NCOA6: variants seen among roughly 807,000 people sequenced by gnomAD.
NCOA6 encodes the protein NRC RAP250.
A neutral mutation model predicts 171.4 loss-of-function variants in NCOA6; 49 were observed. The ratio of observed to expected loss-of-function variants is 0.29; its 90% CI spans 0.23 to 0.36. The LOEUF is 0.36. Ranked by LOEUF, NCOA6 falls within the 10% of genes least tolerant of loss-of-function variation. The pLI, the probability that NCOA6 is intolerant of heterozygous loss-of-function variation, is 1.00. For synonymous variants in NCOA6, 910 were observed against 927.5 expected (o/e 0.98, Z 0.34); for missense variants, 2,248 against 2,554.5 (o/e 0.88, Z 2.59).
At chr20:34,758,191 A>G in intron 6 of NCOA6, 87 bp from the exon 7 acceptor site, 1 of 1,490,212 alleles carries the variant, frequency 6.7e-7, no homozygotes, top group Non-Finnish European at 8.9e-7. Context: ...GGATATACAG[A>G]GCAAAATCTG....
chr20:34,775,054 T>A (rs1413273180), intron 4 of NCOA6, among the ~76,000 whole-genome samples: 2 of 151,156 alleles, frequency 1.3e-5, no homozygotes, highest in South Asian at 2.1e-4. Context: ...GGGAAGGGGG[T>A]TGGTAGGGAA....
At chr20:34,721,551 A>C (rs1195139741) in intron 14 of NCOA6, among the ~76,000 whole-genome samples, 4 of 152,182 alleles carry the variant, frequency 2.6e-5, no homozygotes, top group Admixed American at 6.5e-5. Context: ...TTAGATTCTT[A>C]TAAGGACTAC....
At chr20:34,744,202 C>A (rs2076235784) in intron 10 of NCOA6, among the ~76,000 whole-genome samples, 1 of 152,046 alleles carries the variant, frequency 6.6e-6, no homozygotes, top group Non-Finnish European at 1.5e-5. Flanking sequence ...GAAGCATAGC[C>A]CTCAGGAATA....
Position 34,757,266 on chromosome 20 carries a change from C to T in NCOA6, c.1482G>A (p.Gln494=). ...TCTGTGGCCCCTGGTTTGGTGGTTG[C>T]TGCTGCATCACCATGAAGTTAGGTG... The part of the protein sequence containing the change: ...NVPPNFMVMQ[Q]QPPNQGPQSL... Residue 494 remains glutamine, a synonymous_variant, in exon 7 of 15, where the codon CAG becomes CAA. Coordinates refer to ENST00000359003, the MANE Select transcript of NCOA6 (RefSeq NM_014071.5). 1 of 1,609,734 alleles carries T rather than the reference C, an allele frequency of 6.2e-7. No individual in the cohort carries two copies. Among genetic ancestry groups the T allele is most frequent in the South Asian group, 1.1e-5 (1 of 90,262 alleles).
chr20:34,757,644 C>T lies in NCOA6; in HGVS notation c.1104G>A (p.Thr368=), dbSNP rs1484330911. The change falls in exon 7 of 15, where the codon ACG becomes ACA. Residue 368 remains threonine (T), a synonymous_variant. Transcript: ENST00000359003. ...GATATGGAGGGGGAGGGTGGGAAGG[C>T]GTCTGTACCGTGGCTAAGGATGGTC... ...QARPSLATVQ[T]PSHPPPPYPF... 4 of 1,613,884 alleles carry T rather than the reference C, an allele frequency of 2.5e-6. No individual in the cohort carries two copies. The highest frequency in any genetic ancestry group is 3.3e-5 in the Admixed American group (2 of 59,984).
chr20:34,810,539 C>A (rs972001734), intron 1 of NCOA6, among the ~76,000 whole-genome samples: 5 of 151,670 alleles, frequency 3.3e-5, no homozygotes, highest in African/African-American at 1.2e-4. Context: ...GCCCATGCAA[C>A]CATTTTTTTT....
chr20:34,791,913 A>C (rs529154989), intron 2 of NCOA6, among the ~76,000 whole-genome samples: 2 of 152,282 alleles, frequency 1.3e-5, no homozygotes, highest in African/African-American at 4.8e-5. Context: ...CCCCTGTGCC[A>C]ATTTAAACCC....
chr20:34,733,996 C>T (rs1272638639), intron 12 of NCOA6, among the ~76,000 whole-genome samples: 2 of 151,942 alleles, frequency 1.3e-5, no homozygotes, highest in African/African-American at 4.8e-5. Flanking sequence ...ACTTTGCTGG[C>T]TTGGCTGGAA....
At chr20:34,780,413 A>G (rs1205641491) in intron 3 of NCOA6, among the ~76,000 whole-genome samples, 1 of 152,078 alleles carries the variant, frequency 6.6e-6, no homozygotes, top group Non-Finnish European at 1.5e-5. Context: ...GCTGGAGTGC[A>G]GTGGCATGAT....
chr20:34,717,950 G>T (rs1400572357), intron 14 of NCOA6, among the ~76,000 whole-genome samples: 2 of 152,170 alleles, frequency 1.3e-5, no homozygotes, highest in Non-Finnish European at 2.9e-5. Context: ...AGTGGGTAGT[G>T]GGGTGTGGGG....
intron 1 of NCOA6, among the ~76,000 whole-genome samples, chr20:34,824,874 A>C (rs1047965454): frequency 3.3e-5 from 5 of 151,920 alleles, no homozygotes; most frequent in Non-Finnish European, 7.4e-5. Context: ...AAGGGCCCTC[A>C]TTCCTCATCA....
chr20:34,739,621 G>C (rs2076068234), intron 11 of NCOA6, among the ~76,000 whole-genome samples: 1 of 152,192 alleles, frequency 6.6e-6, no homozygotes, highest in Non-Finnish European at 1.5e-5. Flanking sequence ...ATCTGCAGAA[G>C]CTGCTGTTCA....
At chr20:34,773,423 C>T (rs1012160158) in intron 4 of NCOA6, among the ~76,000 whole-genome samples, 5 of 152,194 alleles carry the variant, frequency 3.3e-5, no homozygotes, top group East Asian at 1.9e-4. Flanking sequence ...GCAGCAGACA[C>T]GATAGTGGCA....
At position 34,741,514 on chromosome 20, in the gene NCOA6, C is replaced by G. The variant is rs2076143613; in HGVS notation, c.4742G>C (p.Arg1581Thr). ...VAPSIPPVMS[R>T]PVSSSSISTP... is the part of the protein sequence containing the mutation. ...GGAAATGGAGGAAGAGCTAACAGGT[C>G]TTGACATTACTGGAGGGATGCTTGG... Residue 1581 changes from arginine to threonine, a missense_variant, in exon 11 of 15, where the codon AGA becomes ACA. Physicochemically the swap from Arg to Thr is moderately conservative, Grantham distance 71 (BLOSUM62 -1). Transcript: ENST00000359003. 1 of 1,614,158 alleles carries G rather than the reference C, an allele frequency of 6.2e-7. No homozygotes were observed. Among genetic ancestry groups the G allele is most frequent in the African/African-American group, 1.3e-5 (1 of 75,034 alleles).
chr20:34,719,073 A>G (rs1195163595), intron 14 of NCOA6, among the ~76,000 whole-genome samples: 1 of 152,220 alleles, frequency 6.6e-6, no homozygotes, highest in Non-Finnish European at 1.5e-5. Context: ...TGGGTCAATA[A>G]TAGTCTTTTA....
At position 34,742,263 on chromosome 20, in the gene NCOA6, C is replaced by A; in HGVS notation, c.3993G>T (p.Arg1331Ser). ...TKRASPSNSR[R>S]SSPGSSRKTT... Reference sequence around the variant, plus strand: ...TTTTCCTACTGGACCCAGGACTAGACCTGCGACTGTTGCTTGGACTTGCCC... The same window carrying A: ...TTTTCCTACTGGACCCAGGACTAGAACTGCGACTGTTGCTTGGACTTGCCC... Residue 1331 changes from arginine (R) to serine (S), a missense_variant, in exon 11 of 15, where the codon AGG becomes AGT. Arg to Ser is a moderately radical substitution (Grantham distance 110). Coordinates refer to ENST00000359003, the MANE Select transcript of NCOA6 (RefSeq NM_014071.5). 1.2e-6 allele frequency: 2 copies of A among 1,614,228 alleles called. No homozygotes were observed. The highest frequency in any genetic ancestry group is 1.7e-6 in the Non-Finnish European group (2 of 1,180,040).
chr20:34,725,431 G>A (rs986488939), intron 14 of NCOA6, among the ~76,000 whole-genome samples: 13 of 152,186 alleles, frequency 8.5e-5, no homozygotes, highest in African/African-American at 2.9e-4. Flanking sequence ...AGAGAGAAGA[G>A]CACTCCCTGC....
At position 34,757,420 on chromosome 20, in the gene NCOA6, G is replaced by A. The variant is rs1437145162; in HGVS notation, c.1328C>T (p.Ser443Phe). 1.2e-6 allele frequency: 2 copies of A among 1,613,806 alleles called. No homozygotes were observed. The highest frequency in any genetic ancestry group is 1.3e-5 in the African/African-American group (1 of 74,940). The change falls in exon 7 of 15, where the codon TCC becomes TTC. Residue 443 changes from serine (S) to phenylalanine (F), a missense_variant. Coordinates refer to ENST00000359003, the MANE Select transcript of NCOA6 (RefSeq NM_014071.5). ...CTGCTGAGTTTGGTTAACCGTTGGGGAGGATGCAGGGGATCCCTGCTGGAA... is the reference window on the plus strand; with the variant it reads ...CTGCTGAGTTTGGTTAACCGTTGGGAAGGATGCAGGGGATCCCTGCTGGAA... ...SSFQQGSPASSPTVNQTQQQM... is the reference protein window; with the variant it reads ...SSFQQGSPASFPTVNQTQQQM...
chr20:34,760,306 T>G (rs2145856333), intron 5 of NCOA6, among the ~76,000 whole-genome samples: 1 of 152,304 alleles, frequency 6.6e-6, no homozygotes, highest in East Asian at 1.9e-4. Context: ...CGCCTATACT[T>G]ATTCTCTTTT....
Sources: allele counts gnomAD v4.1 joint callset (sites outside exome capture counted in the v4.1 genomes callset), GRCh38; gene constraint gnomAD v4.1.1; transcripts MANE v1.5; gene names NCBI Gene and HGNC (gene_info 2026-07-23, HGNC 2026-07-21).